Variants in SUGCT observed in about 807,000 individuals in gnomAD.
The protein encoded by SUGCT is succinyl-CoA:glutarate-CoA transferase.
Under a neutral mutation model 55.0 loss-of-function variants are expected in SUGCT, and 41 were observed. The observed-to-expected ratio is 0.74, with a 90% CI of 0.58 to 0.97. The LOEUF is 0.97. SUGCT is among the 50% of genes least tolerant of loss of function. The pLI is 0.00. For synonymous variants in SUGCT, 187 were observed against 200.4 expected (o/e 0.93, Z 0.56); for missense variants, 568 against 547.8 (o/e 1.04, Z -0.37).
chr7:41,022,966 A>T, the SUGCT span, among the ~76,000 whole-genome samples: 1 of 152,178 alleles, frequency 6.6e-6, no homozygotes, highest in Non-Finnish European at 1.5e-5. Flanking sequence ...TTTCATGCTG[A>T]TCACTAAATT....
intron 12 of SUGCT, among the ~76,000 whole-genome samples, chr7:40,621,749 CTATCT>C (rs1001080641): frequency 1.3e-5 from 2 of 152,150 alleles, no homozygotes; most frequent in African/African-American, 4.8e-5. Context: ...GACCATCTGG[CTATCT>C]TATCTTTAAA....
At chr7:40,743,229 A>G (rs1290610910) in intron 12 of SUGCT, among the ~76,000 whole-genome samples, 2 of 152,206 alleles carry the variant, frequency 1.3e-5, no homozygotes, top group African/African-American at 4.8e-5. Flanking sequence ...TTGATATCTA[A>G]GTTCCTAAAA....
At chr7:40,826,937 ATC>A (rs1357866188) in intron 13 of SUGCT, among the ~76,000 whole-genome samples, 1 of 152,164 alleles carries the variant, frequency 6.6e-6, no homozygotes, top group Non-Finnish European at 1.5e-5. Flanking sequence ...AAGAAAATAA[ATC>A]TGTTTAAGGT....
At chr7:40,143,079 C>T (rs6974493) in intron 1 of SUGCT, among the ~76,000 whole-genome samples, 86,696 of 151,902 alleles carry the variant, frequency 0.57, 26,517 homozygotes, top group African/African-American at 0.8. Context: ...AAGAGGCTTC[C>T]CTTGCTTTAT....
At chr7:40,178,795 T>G (rs1315919557) in intron 1 of SUGCT, among the ~76,000 whole-genome samples, 1 of 152,166 alleles carries the variant, frequency 6.6e-6, no homozygotes, top group Non-Finnish European at 1.5e-5. Flanking sequence ...TGCCTTTCAG[T>G]TCTAGGCAAT....
rs1011199588 is a variant in SUGCT, at chr7:40,835,890, C to CT, written c.1154-24409dup. Reference sequence around the variant, plus strand: ...TAGTATCTTCCATTTTCTTTTTTTTCTTTTTTTTTTTTTTTTTGGTGAGAC... The same window carrying CT: ...TAGTATCTTCCATTTTCTTTTTTTTCTTTTTTTTTTTTTTTTTTGGTGAGAC... On this transcript the variant is annotated intron_variant, in intron 13 of 13. Coordinates refer to ENST00000335693, the MANE Select transcript of SUGCT (RefSeq NM_001193313.2). Among the ~76,000 whole-genome samples, 1,196 of 136,090 alleles carry CT rather than the reference C, an allele frequency of 8.8e-3. 8 individuals carry two copies. Among genetic ancestry groups the CT allele is most frequent in the African/African-American group, 0.015 (540 of 36,972 alleles). 89.3% of individuals were successfully genotyped at this position (136,090 alleles called of 152,430 possible).
At chr7:40,391,154 A>C (rs1021698888) in intron 9 of SUGCT, among the ~76,000 whole-genome samples, 1 of 152,062 alleles carries the variant, frequency 6.6e-6, no homozygotes, top group African/African-American at 2.4e-5. Flanking sequence ...TAAAGACTTA[A>C]ATGTTAGACC....
intron 1 of SUGCT, among the ~76,000 whole-genome samples, chr7:40,146,234 C>T (rs151109521): frequency 1.1e-3 from 164 of 152,190 alleles, no homozygotes; most frequent in African/African-American, 3.7e-3. Flanking sequence ...TTGGGCCATC[C>T]GCAGGTTACT....
chr7:40,981,567 C>A, the SUGCT span, among the ~76,000 whole-genome samples: 2 of 152,098 alleles, frequency 1.3e-5, no homozygotes, highest in South Asian at 2.1e-4. Flanking sequence ...AATTCTGGTT[C>A]TTTCTTGCTT....
chr7:40,270,376 T>C (rs1012992345), intron 7 of SUGCT, among the ~76,000 whole-genome samples: 15 of 152,166 alleles, frequency 9.9e-5, no homozygotes, highest in African/African-American at 3.4e-4. Context: ...ATATTTTCTT[T>C]TGTTATATAG....
At chr7:40,482,145 T>A (rs1445585526) in intron 11 of SUGCT, among the ~76,000 whole-genome samples, 2 of 152,180 alleles carry the variant, frequency 1.3e-5, no homozygotes, top group African/African-American at 4.8e-5. Flanking sequence ...TCTGCAATGA[T>A]GTTTATTGAA....
chr7:40,966,849 A>G, the SUGCT span: 1 of 152,224 alleles, frequency 6.6e-6, no homozygotes, highest in Non-Finnish European at 1.5e-5. Flanking sequence ...AAAATGACTC[A>G]TGGTTTGGTT....
At chr7:40,206,642 A>G (rs1198109977) in intron 6 of SUGCT, among the ~76,000 whole-genome samples, 1 of 152,210 alleles carries the variant, frequency 6.6e-6, no homozygotes, top group Admixed American at 6.6e-5. Flanking sequence ...CTCTGATATG[A>G]TAGGCATAGT....
intron 8 of SUGCT, among the ~76,000 whole-genome samples, chr7:40,296,759 T>C (rs995122650): frequency 3.3e-5 from 5 of 151,658 alleles, no homozygotes; most frequent in Non-Finnish European, 5.9e-5. Context: ...CTCTCTTTCG[T>C]GTGTGTGTGA....
At chr7:40,717,263 T>G (rs1188031419) in intron 12 of SUGCT, among the ~76,000 whole-genome samples, 1 of 152,106 alleles carries the variant, frequency 6.6e-6, no homozygotes, top group Non-Finnish European at 1.5e-5. Context: ...AAGATTAGGC[T>G]CGCGGACACA....
intron 9 of SUGCT, among the ~76,000 whole-genome samples, chr7:40,368,796 T>A (rs1784139835): frequency 6.6e-6 from 1 of 152,114 alleles, no homozygotes. Context: ...GTTCCTGGGC[T>A]TTAGGCTCAT....
the SUGCT span, among the ~76,000 whole-genome samples, chr7:41,012,145 C>G: frequency 1.3e-5 from 2 of 152,134 alleles, no homozygotes; most frequent in Admixed American, 1.3e-4. Context: ...TTCCCGGAAC[C>G]AGCCTTTTCC....
the SUGCT span, among the ~76,000 whole-genome samples, chr7:40,923,572 T>C: frequency 6.6e-6 from 1 of 152,188 alleles, no homozygotes; most frequent in Non-Finnish European, 1.5e-5. Context: ...GGCTTGAGAA[T>C]AAATTCACAG....
the SUGCT span, among the ~76,000 whole-genome samples, chr7:40,960,739 A>G: frequency 2.0e-5 from 3 of 152,220 alleles, no homozygotes; most frequent in Non-Finnish European, 2.9e-5. Flanking sequence ...GAAATATTTC[A>G]TATAAATTTC....
Sources: gnomAD v4.1 joint callset for allele counts (sites outside exome capture counted in the v4.1 genomes callset) on GRCh38, gnomAD v4.1.1 for gene constraint, MANE v1.5 for transcripts, NCBI Gene and HGNC (gene_info 2026-07-23, HGNC 2026-07-21) for gene names.